LRRTM3: variants seen among roughly 807,000 people sequenced by gnomAD.
The protein encoded by LRRTM3 is leucine-rich repeat transmembrane neuronal protein 3.
A neutral mutation model predicts 44.7 loss-of-function variants in LRRTM3; 24 were observed. The ratio of observed to expected loss-of-function variants is 0.54; its 90% confidence interval spans 0.39 to 0.76. LRRTM3 has a LOEUF of 0.76. Among genes scored for constraint, LRRTM3 ranks in the 30% least tolerant of loss-of-function variants. The probability of loss-of-function intolerance (pLI) is 0.00; values close to 1 mark genes in which losing one functional copy is unlikely to be tolerated. For synonymous variants in LRRTM3, 277 were observed against 278.7 expected, an observed-to-expected ratio of 0.99 and a Z score of 0.06; for missense variants, 587 against 702.2, an observed-to-expected ratio of 0.84 and a Z score of 1.85.
chr10:66,971,621 C>G (rs193215342), intron 2 of LRRTM3, among the ~76,000 whole-genome samples: 90 of 152,082 alleles, frequency 5.9e-4, no homozygotes, highest in African/African-American at 2.0e-3. Flanking sequence ...AGTAGAGTGC[C>G]CACTTAGAGT....
intron 2 of LRRTM3, among the ~76,000 whole-genome samples, chr10:67,009,254 T>C (rs764469886): frequency 6.6e-6 from 1 of 152,252 alleles, no homozygotes; most frequent in Middle Eastern, 3.4e-3. Flanking sequence ...ATCCCTTTTT[T>C]TTCTTTTCCA....
chr10:67,042,558 T>TA (rs1202689101), intron 2 of LRRTM3, among the ~76,000 whole-genome samples: 3 of 151,572 alleles, frequency 2.0e-5, no homozygotes, highest in African/African-American at 7.3e-5. Context: ...GGCAAGAACA[T>TA]ATAAGGTAAG....
At chr10:66,978,933 AAT>A (rs1254861934) in intron 2 of LRRTM3, among the ~76,000 whole-genome samples, 1 of 150,406 alleles carries the variant, frequency 6.6e-6, no homozygotes, top group Non-Finnish European at 1.5e-5. Flanking sequence ...TCCCTTGTTA[AAT>A]AGCCACTCCT....
intron 2 of LRRTM3, among the ~76,000 whole-genome samples, chr10:66,966,377 T>C (rs970322260): frequency 6.6e-6 from 1 of 152,124 alleles, no homozygotes; most frequent in South Asian, 2.1e-4. Context: ...TATAATGAAA[T>C]GAAAAATTAA....
chr10:66,957,044 C>A (rs928694381), intron 2 of LRRTM3, among the ~76,000 whole-genome samples: 17 of 152,142 alleles, frequency 1.1e-4, no homozygotes, highest in Non-Finnish European at 2.1e-4. Flanking sequence ...AGCCATAATG[C>A]TACCTAGCTC....
chr10:66,985,598 G>T (rs1850682237), intron 2 of LRRTM3, among the ~76,000 whole-genome samples: 1 of 152,110 alleles, frequency 6.6e-6, no homozygotes, highest in Non-Finnish European at 1.5e-5. Context: ...CATAAAGTTT[G>T]GTCTTCTGGA....
chr10:67,011,998 A>G (rs1852369303), intron 2 of LRRTM3, among the ~76,000 whole-genome samples: 1 of 152,156 alleles, frequency 6.6e-6, no homozygotes. Context: ...CAAGAACTCT[A>G]TAGGCATTAT....
intron 2 of LRRTM3, among the ~76,000 whole-genome samples, chr10:67,086,252 T>G (rs993909064): frequency 1.3e-5 from 2 of 152,014 alleles, no homozygotes; most frequent in Non-Finnish European, 1.5e-5. Flanking sequence ...ATCTGAAGGA[T>G]TTTCTTTAAA....
chr10:66,969,150 T>A (rs1471737218), intron 2 of LRRTM3, among the ~76,000 whole-genome samples: 3 of 152,198 alleles, frequency 2.0e-5, no homozygotes, highest in South Asian at 4.1e-4. Context: ...AGAATATTTT[T>A]AAAAATCAAA....
chr10:67,027,952 C>G (rs1853492302), intron 2 of LRRTM3, among the ~76,000 whole-genome samples: 1 of 151,948 alleles, frequency 6.6e-6, no homozygotes, highest in African/African-American at 2.4e-5. Context: ...ATAAAATCTC[C>G]ATCTGTTTTC....
At chr10:66,974,873 T>C (rs1849942065) in intron 2 of LRRTM3, among the ~76,000 whole-genome samples, 2 of 152,280 alleles carry the variant, frequency 1.3e-5, no homozygotes, top group East Asian at 3.9e-4. Context: ...TTTCTTCATA[T>C]TGAATTCTAA....
At position 66,988,999 on chromosome 10, in the gene LRRTM3, TA is replaced by T. The variant is rs112498182; in HGVS notation, c.1536+60559del. ...TTGGTCCTCGATGTTTCCTCTCACT[TA>T]AAAAAAAAAAATCCCTTTTCTACCT... On this transcript the variant is annotated intron_variant, in intron 2 of 2. Coordinates refer to ENST00000361320, the MANE Select transcript of LRRTM3 (RefSeq NM_178011.5). Among the ~76,000 whole-genome samples, 785 of 145,394 alleles carry T rather than the reference TA, an allele frequency of 5.4e-3. 8 individuals carry two copies. Among genetic ancestry groups the T allele is most frequent in the African/African-American group, 0.015 (605 of 40,106 alleles).
chr10:66,972,865 C>T (rs1333960592), intron 2 of LRRTM3, among the ~76,000 whole-genome samples: 1 of 152,052 alleles, frequency 6.6e-6, no homozygotes, highest in Non-Finnish European at 1.5e-5. Flanking sequence ...CGCCTGCCAC[C>T]ACGCCTGGCT....
intron 2 of LRRTM3, among the ~76,000 whole-genome samples, chr10:66,951,784 A>G (rs1280748259): frequency 6.6e-6 from 1 of 152,140 alleles, no homozygotes; most frequent in South Asian, 2.1e-4. Flanking sequence ...TACACTGGGA[A>G]GGGATCTAGA....
chr10:67,093,652 C>T (rs951442749), intron 2 of LRRTM3, among the ~76,000 whole-genome samples: 3 of 151,646 alleles, frequency 2.0e-5, no homozygotes, highest in African/African-American at 7.3e-5. Flanking sequence ...GACATACCCT[C>T]CCAACAAAAC....
At chr10:67,095,256 G>A (rs913239118) in intron 2 of LRRTM3, among the ~76,000 whole-genome samples, 2 of 151,488 alleles carry the variant, frequency 1.3e-5, no homozygotes, top group African/African-American at 4.8e-5. Flanking sequence ...ACTTTAAAAT[G>A]CACTCTCAAT....
intron 2 of LRRTM3, among the ~76,000 whole-genome samples, chr10:67,003,486 G>A (rs1052647948): frequency 6.6e-6 from 1 of 151,968 alleles, no homozygotes; most frequent in African/African-American, 2.4e-5. Flanking sequence ...AATACTTTTG[G>A]GAAACTTTGC....
At chr10:67,053,205 C>A (rs1325370452) in intron 2 of LRRTM3, among the ~76,000 whole-genome samples, 1 of 152,142 alleles carries the variant, frequency 6.6e-6, no homozygotes, top group Non-Finnish European at 1.5e-5. Context: ...ACACAATTAA[C>A]TTTAGTACAA....
chr10:66,931,990 T>A (rs1217165846), intron 2 of LRRTM3, among the ~76,000 whole-genome samples: 2 of 152,250 alleles, frequency 1.3e-5, no homozygotes, highest in South Asian at 4.1e-4. Context: ...CATCAGTCAT[T>A]TACTGGTCAG....
Sources: allele counts gnomAD v4.1 joint callset (sites outside exome capture counted in the v4.1 genomes callset), GRCh38; gene constraint gnomAD v4.1.1; transcripts MANE v1.5; gene names NCBI Gene and HGNC (gene_info 2026-07-23, HGNC 2026-07-21).